The following NUP85 variants were observed in gnomAD, a reference collection of about 807,000 sequenced individuals.
NUP85 encodes nucleoporin 85.
In NUP85, 23 loss-of-function variants were observed where a neutral mutation model predicts 92.8. That is an observed-to-expected ratio of 0.25 (90% CI 0.18 to 0.35). The LOEUF (loss-of-function observed/expected upper bound fraction) is 0.35, where lower values mean the gene tolerates loss of function less well. NUP85 is among the 10% of genes least tolerant of loss of function. NUP85 has a pLI of 1.00. For synonymous variants in NUP85, 314 were observed against 306.9 expected, an observed-to-expected ratio of 1.02 and a Z score of -0.24; for missense variants, 759 against 822.8, an observed-to-expected ratio of 0.92 and a Z score of 0.95.
chr17:75,228,156 G>C (rs1224150371), intron 11 of NUP85: 2 of 982,436 alleles, frequency 2.0e-6, no homozygotes, highest in Non-Finnish European at 2.4e-6. Context: ...CCCTGTATCT[G>C]GATTTTTAGG....
intron 7 of NUP85, among the ~76,000 whole-genome samples, chr17:75,220,878 ATTTT>A (rs71159457): frequency 1.0e-5 from 1 of 97,562 alleles, no homozygotes; most frequent in African/African-American, 4.1e-5. Context: ...CACCATCCCA[ATTTT>A]TTTTTTTTTT....
intron 3 of NUP85, 117 bp from the exon 4 acceptor site, chr17:75,211,875 T>A: frequency 1.3e-6 from 1 of 780,314 alleles, no homozygotes; most frequent in Non-Finnish European, 2.1e-6. Flanking sequence ...AGGAGCTCCT[T>A]CACAACGGCT....
In NUP85 at chr17:75,231,613, G is replaced by A. The variant is rs2076060546; in HGVS notation, c.1219G>A (p.Ala407Thr). The A allele has an allele frequency of 1.9e-6, 3 of 1,614,060 alleles. No homozygotes were observed. The highest frequency in any genetic ancestry group is 3.3e-5 in the Admixed American group (2 of 60,002). ...NMREFLLLEY[A>T]SGLFAHPSLW... ...GAGAGAGTTCCTCCTGCTGGAGTACGCCTCGGGACTGTTTGCTCATCCCAG... is the reference window on the plus strand; with the variant it reads ...GAGAGAGTTCCTCCTGCTGGAGTACACCTCGGGACTGTTTGCTCATCCCAG... Residue 407 changes from alanine to threonine, a missense_variant, in exon 13 of 19, where the codon GCC (alanine) becomes ACC (threonine). Ala to Thr is a moderately conservative substitution (Grantham distance 58, BLOSUM62 0). Coordinates refer to ENST00000245544, the MANE Select transcript of NUP85 (RefSeq NM_024844.5). This position sits in a 1 kb window ranked among gnomAD's most constrained non-coding sequence, Gnocchi z 4.6.
rs1004807781 is a variant in NUP85, at chr17:75,228,278, T to G, written c.1094+2121T>G. 5.1e-6 allele frequency: 5 copies of G among 985,084 alleles called. No individual in the cohort carries two copies. The African/African-American group carries it at 8.8e-5, about 17-fold the overall frequency. 61.0% of individuals were successfully genotyped at this position (985,084 alleles called of 1,614,324 possible). On this transcript the variant is annotated intron_variant, in intron 11 of 18. Coordinates refer to ENST00000245544, the MANE Select transcript of NUP85 (RefSeq NM_024844.5). ...GAAAGAGAAGTACCATGAAGAGGGG[T>G]GAACAACATCACTCTCGTGCCGGAC...
At position 75,231,801 on chromosome 17, in the gene NUP85, A is replaced by G. The variant is rs1360419172; in HGVS notation, c.1245-27A>G. 1.4e-5 allele frequency: 23 copies of G among 1,613,418 alleles called. No individual in the cohort carries two copies. The highest frequency in any genetic ancestry group is 1.9e-5 in the Non-Finnish European group (23 of 1,179,676). On this transcript the variant is annotated intron_variant, in intron 13 of 18. Coordinates refer to ENST00000245544, the MANE Select transcript of NUP85 (RefSeq NM_024844.5). This position sits in a 1 kb window ranked among gnomAD's most constrained non-coding sequence, Gnocchi z 4.6. ...CCTCGGAGCCATGAGGCAGCACCTC[A>G]TGTCTGTCCTCCTCGAACCTTTGCA...
intron 7 of NUP85, among the ~76,000 whole-genome samples, chr17:75,222,294 C>G (rs1176145158): frequency 2.6e-5 from 4 of 152,060 alleles, no homozygotes; most frequent in African/African-American, 9.7e-5. Flanking sequence ...ATCCACCCTC[C>G]TTGGCTTCCC....
chr17:75,233,413 CTTTCTTCTTTTCTTTTATT>C (rs2076167222), intron 16 of NUP85, among the ~76,000 whole-genome samples: 1 of 128,732 alleles, frequency 7.8e-6, no homozygotes, highest in African/African-American at 3.0e-5. Context: ...CTCTTTCTTT[CTTTCTTCTTTTCTTTTATT>C]TTTTCTTTTT....
chr17:75,209,923 T>C lies in NUP85; in HGVS notation c.228T>C (p.His76=). ...QILRKLFNES[H]GIFLGLQRID... ...TGAGAAAACTCTTCAATGAATCCCA[T>C]GGAATCTTTCTGGGCCTCCAGAGAA... The change falls in exon 3 of 19, where the codon CAT becomes CAC. Residue 76 remains histidine (H), a synonymous_variant. Coordinates refer to ENST00000245544, the MANE Select transcript of NUP85 (RefSeq NM_024844.5). 6.3e-7 allele frequency: 1 copy of C among 1,585,942 alleles called. No homozygotes were observed. The highest frequency in any genetic ancestry group is 8.5e-7 in the Non-Finnish European group (1 of 1,173,054).
intron 16 of NUP85, 43 bp from the exon 17 acceptor site, chr17:75,234,594 T>TG: frequency 1.2e-6 from 2 of 1,605,802 alleles, no homozygotes; most frequent in Non-Finnish European, 1.7e-6. Context: ...TTGGGCAATT[T>TG]GGGGGAATAT....
intron 7 of NUP85, among the ~76,000 whole-genome samples, chr17:75,224,308 G>A (rs768981113): frequency 6.6e-6 from 1 of 151,894 alleles, no homozygotes; most frequent in Admixed American, 6.6e-5. Flanking sequence ...GCCTCCCAAA[G>A]TGCTGGGATT....
Position 75,231,886 on chromosome 17 carries a change from C to T in NUP85, c.1303C>T (p.Leu435=). 1 of 1,614,184 alleles carries T rather than the reference C, an allele frequency of 6.2e-7. No homozygotes were observed. The highest frequency in any genetic ancestry group is 8.5e-7 in the Non-Finnish European group (1 of 1,180,016). ...DYCPELGRVS[L]ELHIERIPLN... Reference sequence around the variant, plus strand: ...CTGCCCCGAGCTGGGCCGAGTCTCCCTGGAGCTGCACATTGAGCGGATACC... The same window carrying T: ...CTGCCCCGAGCTGGGCCGAGTCTCCTTGGAGCTGCACATTGAGCGGATACC... Residue 435 remains leucine, a synonymous_variant, in exon 14 of 19, where the codon CTG becomes TTG. Coordinates refer to ENST00000245544, the MANE Select transcript of NUP85 (RefSeq NM_024844.5). The surrounding 1 kb of genome is among the most constrained non-coding windows in gnomAD (Gnocchi z 4.6).
chr17:75,210,521 C>T (rs772576288), intron 3 of NUP85, among the ~76,000 whole-genome samples: 11 of 152,192 alleles, frequency 7.2e-5, no homozygotes, highest in Admixed American at 3.3e-4. Context: ...CTTAAAATCT[C>T]CAGCACACTG....
chr17:75,208,243 C>T (rs1330515795), intron 1 of NUP85: 2 of 311,860 alleles, frequency 6.4e-6, no homozygotes, highest in East Asian at 1.3e-4. Flanking sequence ...TGTGACCAGC[C>T]TGGGCAATAT....
chr17:75,214,953 C>T (rs534694412), intron 5 of NUP85, among the ~76,000 whole-genome samples: 9 of 152,118 alleles, frequency 5.9e-5, no homozygotes, highest in East Asian at 1.9e-4. Flanking sequence ...AGGTGTATCA[C>T]GAGGTCAGGA....
At chr17:75,229,263 AC>A in intron 11 of NUP85, 2 of 630,142 alleles carry the variant, frequency 3.2e-6, no homozygotes, top group African/African-American at 2.0e-5. Context: ...CAAACCTCAC[AC>A]CCCATTTCCA....
At chr17:75,232,559 T>G (rs2076109057) in intron 14 of NUP85, among the ~76,000 whole-genome samples, 1 of 151,860 alleles carries the variant, frequency 6.6e-6, no homozygotes, top group African/African-American at 2.4e-5. Flanking sequence ...GAGAAACACG[T>G]AGGGAGAAAA....
intron 6 of NUP85, among the ~76,000 whole-genome samples, chr17:75,216,958 C>T (rs755634839): frequency 6.6e-6 from 1 of 152,148 alleles, no homozygotes. Context: ...ACAATCACAG[C>T]TATTGCAGTC....
intron 16 of NUP85, 44 bp downstream of exon 16, chr17:75,233,202 G>A (rs2076145625): frequency 6.5e-7 from 1 of 1,547,498 alleles, no homozygotes; most frequent in South Asian, 1.1e-5. Flanking sequence ...GCACAAGTGG[G>A]TAGTTGGGGA....
At chr17:75,232,809 T>C (rs1445600302) in intron 14 of NUP85, 42 bp from the exon 15 acceptor site, 12 of 1,564,442 alleles carry the variant, frequency 7.7e-6, no homozygotes, top group Non-Finnish European at 1.1e-5. Flanking sequence ...TGGAGTGATT[T>C]GTGGAGTGAA....
Sources: allele counts gnomAD v4.1 joint callset (sites outside exome capture counted in the v4.1 genomes callset), GRCh38; gene constraint gnomAD v4.1.1; non-coding constraint Gnocchi (gnomAD v3.1); transcripts MANE v1.5; gene names NCBI Gene and HGNC (gene_info 2026-07-23, HGNC 2026-07-21).